The following COL22A1 variants were observed in gnomAD, a reference collection of about 807,000 sequenced individuals.
COL22A1 encodes collagen alpha-1(XXII) chain.
Under a neutral mutation model 248.9 loss-of-function variants are expected in COL22A1, and 221 were observed. The observed-to-expected ratio is 0.89, with a 90% CI of 0.80 to 0.99. COL22A1 has a LOEUF of 0.99. Ranked by LOEUF, COL22A1 falls within the 50% of genes least tolerant of loss-of-function variation. The pLI is 0.00. For synonymous variants in COL22A1, 891 were observed against 793.4 expected (o/e 1.12, Z -2.07); for missense variants, 2,240 against 2,179.0 (o/e 1.03, Z -0.56).
intron 10 of COL22A1, among the ~76,000 whole-genome samples, chr8:138,806,150 G>GGTGTGTGTGTGGTGTGTGTA (rs1249338430): frequency 7.8e-6 from 1 of 128,474 alleles, no homozygotes; most frequent in African/African-American, 3.3e-5. Flanking sequence ...GTGTGTGTGT[G>GGTGTGTGTGTGGTGTGTGTA]ATGGTGTGTG....
intron 1 of COL22A1, among the ~76,000 whole-genome samples, chr8:138,904,869 G>C (rs1451525395): frequency 6.6e-6 from 1 of 152,170 alleles, no homozygotes; most frequent in African/African-American, 2.4e-5. Flanking sequence ...TCCCCTTTGA[G>C]ATGTGAGACA....
chr8:138,636,619 A>G, intron 48 of COL22A1, 123 bp downstream of exon 48: 1 of 755,446 alleles, frequency 1.3e-6, no homozygotes, highest in Non-Finnish European at 2.3e-6. Context: ...TAAAAATGAG[A>G]TTTTAAAAAA....
At chr8:138,598,661 C>A in intron 61 of COL22A1, 58 bp downstream of exon 61, 1 of 1,514,864 alleles carries the variant, frequency 6.6e-7, no homozygotes, top group Non-Finnish European at 8.9e-7. Flanking sequence ...ACACACTTCC[C>A]TGGCTCCCCC....
chr8:138,691,422 T>C (rs1019086306), intron 35 of COL22A1, among the ~76,000 whole-genome samples: 1 of 151,278 alleles, frequency 6.6e-6, no homozygotes, highest in African/African-American at 2.4e-5. Flanking sequence ...TGCACGTCCA[T>C]GTGTGCACGT....
chr8:138,728,768 T>C (rs9324495), intron 23 of COL22A1, among the ~76,000 whole-genome samples: 26,639 of 151,930 alleles, frequency 0.18, 2,925 homozygotes, highest in African/African-American at 0.3. Flanking sequence ...CTGCTGCAGA[T>C]ACACCTGGAG....
At chr8:138,852,654 A>T (rs886501053) in intron 3 of COL22A1, among the ~76,000 whole-genome samples, 1 of 152,114 alleles carries the variant, frequency 6.6e-6, no homozygotes, top group Non-Finnish European at 1.5e-5. Context: ...GAGAGGAGAG[A>T]TGTCTGCAAA....
chr8:138,912,163 C>T (rs142421468), intron 1 of COL22A1, among the ~76,000 whole-genome samples: 1 of 152,330 alleles, frequency 6.6e-6, no homozygotes, highest in East Asian at 1.9e-4. Context: ...CTGAGGATAG[C>T]TGCTTGACCC....
chr8:138,631,238 G>T (rs536193857), intron 49 of COL22A1, among the ~76,000 whole-genome samples: 1 of 152,186 alleles, frequency 6.6e-6, no homozygotes, highest in South Asian at 2.1e-4. Flanking sequence ...TCCTAATATA[G>T]CAACACACAG....
intron 46 of COL22A1, 151 bp from the exon 47 acceptor site, chr8:138,646,833 CAAAGGGT>C (rs1564139067): frequency 1.7e-6 from 1 of 595,934 alleles, no homozygotes; most frequent in Non-Finnish European, 2.9e-6. Context: ...CCTGTCTGAG[CAAAGGGT>C]ATAGGCAAGT....
intron 10 of COL22A1, among the ~76,000 whole-genome samples, chr8:138,806,352 G>A (rs1299167568): frequency 4.0e-5 from 6 of 151,676 alleles, no homozygotes; most frequent in Non-Finnish European, 8.8e-5. Context: ...GTGTGTGTCC[G>A]TAGTGTCACA....
chr8:138,843,949 C>G, intron 4 of COL22A1, 135 bp downstream of exon 4: 1 of 805,460 alleles, frequency 1.2e-6, no homozygotes, highest in Non-Finnish European at 2.2e-6. Context: ...ATTCAAACCA[C>G]TTTATCAGGA....
At chr8:138,745,864 A>G (rs1024473489) in intron 22 of COL22A1, among the ~76,000 whole-genome samples, 1 of 152,192 alleles carries the variant, frequency 6.6e-6, no homozygotes, top group African/African-American at 2.4e-5. Flanking sequence ...TCTCATTTCA[A>G]CTAGATGACA....
intron 27 of COL22A1, among the ~76,000 whole-genome samples, chr8:138,719,006 G>C (rs1212967532): frequency 6.6e-6 from 1 of 152,158 alleles, no homozygotes; most frequent in African/African-American, 2.4e-5. Flanking sequence ...GAAAGGTGGG[G>C]TTCATACAGT....
intron 49 of COL22A1, among the ~76,000 whole-genome samples, chr8:138,631,733 A>G (rs1564119565): frequency 6.6e-6 from 1 of 152,070 alleles, no homozygotes; most frequent in East Asian, 1.9e-4. Flanking sequence ...CTTAGCTCAG[A>G]TATCAGCTTC....
chr8:138,768,565 T>C (rs1834094003), intron 16 of COL22A1, among the ~76,000 whole-genome samples: 1 of 152,188 alleles, frequency 6.6e-6, no homozygotes, highest in South Asian at 2.1e-4. Context: ...GTACCCTTCA[T>C]TTGTTGTTTT....
chr8:138,848,284 T>A (rs1211592469), intron 3 of COL22A1, among the ~76,000 whole-genome samples: 8 of 152,204 alleles, frequency 5.3e-5, no homozygotes, highest in Admixed American at 5.2e-4. Flanking sequence ...TCCTTCACTC[T>A]CTAGGTAAGT....
At chr8:138,730,727 C>T (rs1056869346) in intron 23 of COL22A1, among the ~76,000 whole-genome samples, 14 of 152,010 alleles carry the variant, frequency 9.2e-5, no homozygotes, top group Admixed American at 2.0e-4. Context: ...TCGAAGGCCA[C>T]GGAGCTCAGA....
chr8:138,862,040 A>AG (rs796281397), intron 3 of COL22A1, among the ~76,000 whole-genome samples: 1,818 of 147,014 alleles, frequency 0.012, 60 homozygotes, highest in African/African-American at 0.044. Context: ...AAAAAAAAAA[A>AG]AAAAAAAGAA....
chr8:138,641,162 C>T (rs570876097), intron 47 of COL22A1, among the ~76,000 whole-genome samples: 4 of 152,324 alleles, frequency 2.6e-5, no homozygotes, highest in African/African-American at 7.2e-5. Context: ...GAATTTTCTG[C>T]TCTAGGAAAG....
Sources: allele counts gnomAD v4.1 joint callset (sites outside exome capture counted in the v4.1 genomes callset), GRCh38; gene constraint gnomAD v4.1.1; transcripts MANE v1.5; gene names NCBI Gene and HGNC (gene_info 2026-07-23, HGNC 2026-07-21).